The following SNX29 variants were observed in gnomAD, a reference collection of about 807,000 sequenced individuals.
The protein encoded by SNX29 is sorting nexin-29.
SNX29 carries 78 observed loss-of-function variants against 102.1 expected under a neutral mutation model. The observed-to-expected ratio is 0.76, with a 90% confidence interval of 0.64 to 0.92. The LOEUF (loss-of-function observed/expected upper bound fraction) is 0.92, where lower values mean the gene tolerates loss of function less well. Ranked by LOEUF, SNX29 falls within the 40% of genes least tolerant of loss-of-function variation. The pLI is 0.00. For missense variants in SNX29, 1,280 were observed against 1,061.7 expected, an observed-to-expected ratio of 1.21 and a Z score of -2.86; for synonymous variants, 580 against 414.5, an observed-to-expected ratio of 1.40 and a Z score of -4.85.
intron 13 of SNX29, among the ~76,000 whole-genome samples, chr16:12,164,367 G>T (rs973627570): frequency 1.3e-5 from 2 of 152,206 alleles, no homozygotes; most frequent in African/African-American, 2.4e-5. Context: ...AAGAAAACCC[G>T]TGCGATAGTG....
chr16:12,437,900 T>G (rs1359386257), intron 18 of SNX29, among the ~76,000 whole-genome samples: 1 of 151,994 alleles, frequency 6.6e-6, no homozygotes. Flanking sequence ...ATGCTGGGCT[T>G]GCTGCAGCTG....
chr16:12,429,345 T>G (rs2085219237), intron 18 of SNX29, among the ~76,000 whole-genome samples: 1 of 152,238 alleles, frequency 6.6e-6, no homozygotes. Flanking sequence ...TTGCAGTTGA[T>G]ATCTCCTTCT....
intron 18 of SNX29, among the ~76,000 whole-genome samples, chr16:12,426,963 G>A (rs2085105878): frequency 6.6e-6 from 1 of 152,144 alleles, no homozygotes; most frequent in Admixed American, 6.5e-5. Context: ...CACCATGCCT[G>A]GCCAGTATTG....
chr16:11,982,088 C>A (rs866664339), intron 1 of SNX29, among the ~76,000 whole-genome samples: 1 of 150,238 alleles, frequency 6.7e-6, no homozygotes, highest in Admixed American at 6.6e-5. Flanking sequence ...AAAATATATA[C>A]CTTGATGCAA....
At chr16:12,551,815 G>T (rs554458592) in intron 20 of SNX29, among the ~76,000 whole-genome samples, 1 of 152,120 alleles carries the variant, frequency 6.6e-6, no homozygotes, top group African/African-American at 2.4e-5. Context: ...CTGTATCCCC[G>T]CCTCAGTTTT....
intron 13 of SNX29, among the ~76,000 whole-genome samples, chr16:12,147,000 G>A (rs1320667366): frequency 6.6e-6 from 1 of 152,184 alleles, no homozygotes; most frequent in Non-Finnish European, 1.5e-5. Context: ...CACGTACAAG[G>A]GAGAAAGCCA....
rs1310277562 is a variant in SNX29, at chr16:12,564,978, T to G, written c.2319-3528T>G. ...GCTGTCATTGTAAATGTGAGGCGTT[T>G]CAGCTTCCGACTACAGCCCATGTCT... On this transcript the variant is annotated intron_variant, in intron 20 of 20. Transcript: ENST00000566228. 2.0e-5 allele frequency among the ~76,000 whole-genome samples: 3 copies of G among 150,976 alleles called. No individual in the cohort carries two copies. The East Asian group carries it at 5.8e-4, about 29-fold the overall frequency.
At chr16:12,255,847 A>G (rs1159232431) in intron 14 of SNX29, among the ~76,000 whole-genome samples, 2 of 152,216 alleles carry the variant, frequency 1.3e-5, no homozygotes, top group Non-Finnish European at 2.9e-5. Flanking sequence ...GAGTGCAGAT[A>G]AATAACTCTT....
Position 12,170,737 on chromosome 16 carries a change from T to G in SNX29, c.1596-28864T>G, listed in dbSNP as rs1012251877. The stretch of plus-strand genomic sequence containing the variant: ...GGGTTCTGTGGGAGAGGAGGCTGTG[T>G]GAGTGAGTGAGTGTGTGTGTGTGAG... On this transcript the variant is annotated intron_variant, in intron 13 of 20. Coordinates refer to ENST00000566228, the MANE Select transcript of SNX29 (RefSeq NM_032167.5). 9.4e-5 allele frequency among the ~76,000 whole-genome samples: 14 copies of G among 149,430 alleles called. 1 individual carries two copies. The highest frequency in any genetic ancestry group is 9.3e-4 in the Admixed American group (14 of 15,102).
At chr16:12,297,536 G>A (rs924306912) in intron 15 of SNX29, among the ~76,000 whole-genome samples, 26 of 151,974 alleles carry the variant, frequency 1.7e-4, no homozygotes, top group African/African-American at 6.0e-4. Flanking sequence ...TCTCCTACTT[G>A]AAATTTGCTA....
At chr16:12,220,553 A>C (rs987830824) in intron 14 of SNX29, among the ~76,000 whole-genome samples, 2 of 152,040 alleles carry the variant, frequency 1.3e-5, no homozygotes, top group African/African-American at 2.4e-5. Flanking sequence ...GACCTGAGCC[A>C]ATTTGCATGT....
Position 12,463,125 on chromosome 16 carries a change from C to T in SNX29, c.2038-14594C>T, listed in dbSNP as rs13334971. The stretch of plus-strand genomic sequence containing the variant: ...ATGCCCCTTATTAGGACGCCAGGCT[C>T]CTGGGCACTGCTGCCCGTCAGCGGT... On this transcript the variant is annotated intron_variant, in intron 18 of 20. Coordinates refer to ENST00000566228, the MANE Select transcript of SNX29 (RefSeq NM_032167.5). 4.7e-3 allele frequency among the ~76,000 whole-genome samples: 714 copies of T among 152,334 alleles called. 9 individuals carry two copies. The highest frequency in any genetic ancestry group is 0.016 in the African/African-American group (683 of 41,568).
intron 14 of SNX29, among the ~76,000 whole-genome samples, chr16:12,235,701 T>C (rs563146620): frequency 1.3e-5 from 2 of 152,156 alleles, no homozygotes; most frequent in South Asian, 4.2e-4. Context: ...GCATCCACAT[T>C]TTTTTTATTG....
chr16:12,265,899 A>G (rs923664925), intron 14 of SNX29, among the ~76,000 whole-genome samples: 2 of 151,900 alleles, frequency 1.3e-5, no homozygotes, highest in African/African-American at 4.8e-5. Context: ...CAAAAAAAGA[A>G]AACTCTCATA....
intron 18 of SNX29, 94 bp downstream of exon 18, chr16:12,403,623 C>A: frequency 8.2e-7 from 1 of 1,225,432 alleles, no homozygotes. Flanking sequence ...TGGTGGGGCG[C>A]TATGATTAGG....
chr16:12,188,200 C>T (rs77820788), intron 13 of SNX29, among the ~76,000 whole-genome samples: 2,760 of 152,226 alleles, frequency 0.018, 29 homozygotes, highest in Non-Finnish European at 0.029. Context: ...TAATAATTAC[C>T]ATATGCCAGA....
chr16:12,561,482 C>T (rs189876805), intron 20 of SNX29, among the ~76,000 whole-genome samples: 47 of 152,228 alleles, frequency 3.1e-4, no homozygotes, highest in South Asian at 1.5e-3. Context: ...GAGTATTGAC[C>T]GGCTCGCCAG....
intron 15 of SNX29, among the ~76,000 whole-genome samples, chr16:12,308,325 G>A (rs2151124347): frequency 6.6e-6 from 1 of 152,302 alleles, no homozygotes; most frequent in South Asian, 2.1e-4. Context: ...TGATTGTCCA[G>A]TAATGTGAAC....
chr16:12,257,552 A>G (rs2078611404), intron 14 of SNX29, among the ~76,000 whole-genome samples: 1 of 152,064 alleles, frequency 6.6e-6, no homozygotes, highest in African/African-American at 2.4e-5. Flanking sequence ...TCTGCCATCC[A>G]GCCTGGAGTG....
Sources: gnomAD v4.1 joint callset for allele counts (sites outside exome capture counted in the v4.1 genomes callset) on GRCh38, gnomAD v4.1.1 for gene constraint, MANE v1.5 for transcripts, NCBI Gene and HGNC (gene_info 2026-07-23, HGNC 2026-07-21) for gene names.